BBS9: variants seen among roughly 807,000 people sequenced by gnomAD.
The protein encoded by BBS9 is protein PTHB1.
In BBS9, 89 loss-of-function variants were observed where a neutral mutation model predicts 117.7. The ratio of observed to expected loss-of-function variants is 0.76; its 90% CI spans 0.64 to 0.90. The LOEUF (loss-of-function observed/expected upper bound fraction) is 0.90, where lower values mean the gene tolerates loss of function less well. Among genes scored for constraint, BBS9 ranks in the 40% least tolerant of loss-of-function variants. The pLI, the probability that BBS9 is intolerant of heterozygous loss-of-function variation, is 0.00. For synonymous variants in BBS9, 379 were observed against 370.9 expected (o/e 1.02, Z -0.25); for missense variants, 982 against 1,042.2 (o/e 0.94, Z 0.80).
At chr7:33,514,456 A>G (rs143942143) in intron 20 of BBS9, among the ~76,000 whole-genome samples, 2 of 152,242 alleles carry the variant, frequency 1.3e-5, no homozygotes, top group African/African-American at 2.4e-5. Flanking sequence ...GAGTGAGGAA[A>G]TGGCCATTTC....
chr7:33,343,719 G>T (rs61706828), intron 11 of BBS9, among the ~76,000 whole-genome samples: 1 of 151,906 alleles, frequency 6.6e-6, no homozygotes, highest in Admixed American at 6.6e-5. Context: ...GGCTGGTCTC[G>T]AACTCCTGAC....
rs1563026554 is a variant in BBS9 at position 33,340,880 on chromosome 7, CTT to C, written c.1199-11_1199-10del. 2 of 1,606,616 alleles carry C rather than the reference CTT, an allele frequency of 1.2e-6. No individual in the cohort carries two copies. The highest frequency in any genetic ancestry group is 2.7e-5 in the African/African-American group (2 of 74,640). On this transcript the variant is annotated splice_polypyrimidine_tract_variant and intron_variant, in intron 10 of 22. Coordinates refer to ENST00000242067, the MANE Select transcript of BBS9 (RefSeq NM_198428.3). ...TTTACTTTATGATTAAATAATTTTT[CTT>C]TTTTTAAATCACAGGTGTTTGGCCC...
intron 13 of BBS9, among the ~76,000 whole-genome samples, chr7:33,349,733 T>C (rs905187558): frequency 6.6e-6 from 1 of 152,186 alleles, no homozygotes; most frequent in African/African-American, 2.4e-5. Flanking sequence ...TCCTGGCCTG[T>C]TTTTAGATAC....
chr7:33,454,685 G>A (rs1199866234), intron 19 of BBS9, among the ~76,000 whole-genome samples: 1 of 152,222 alleles, frequency 6.6e-6, no homozygotes, highest in Non-Finnish European at 1.5e-5. Context: ...TGCACTGTTA[G>A]GTAGATGGAT....
intron 5 of BBS9, among the ~76,000 whole-genome samples, chr7:33,227,163 AT>A (rs200953219): frequency 1.6e-3 from 229 of 146,236 alleles, no homozygotes; most frequent in Admixed American, 2.3e-3. Flanking sequence ...ACAGCCATCA[AT>A]TTTTTTTTTT....
intron 17 of BBS9, among the ~76,000 whole-genome samples, chr7:33,375,793 C>T (rs1274678658): frequency 6.6e-6 from 1 of 151,800 alleles, no homozygotes; most frequent in African/African-American, 2.4e-5. Context: ...GGATTTCACG[C>T]CCAGGCTGGT....
chr7:33,511,549 G>T (rs1353858039), intron 20 of BBS9, among the ~76,000 whole-genome samples: 1 of 152,036 alleles, frequency 6.6e-6, no homozygotes, highest in Non-Finnish European at 1.5e-5. Context: ...TCTATAATTT[G>T]AAGAAGGAAA....
intron 9 of BBS9, among the ~76,000 whole-genome samples, chr7:33,289,295 C>T (rs1404250032): frequency 6.6e-6 from 1 of 152,140 alleles, no homozygotes; most frequent in East Asian, 1.9e-4. Flanking sequence ...AAGTCTCAGA[C>T]ATTCTGAAAA....
intron 12 of BBS9, among the ~76,000 whole-genome samples, chr7:33,345,088 C>T (rs1197668773): frequency 6.6e-6 from 1 of 152,112 alleles, no homozygotes. Context: ...AAAGAATTTC[C>T]AGCCATCTCT....
chr7:33,251,313 A>G (rs1191348204), intron 5 of BBS9, among the ~76,000 whole-genome samples: 1 of 152,140 alleles, frequency 6.6e-6, no homozygotes, highest in South Asian at 2.1e-4. Context: ...TTCCAGCTCA[A>G]ATTAGGGAGT....
Position 33,554,805 on chromosome 7 carries a change from G to A in BBS9, c.2521+20629G>A, listed in dbSNP as rs368012493. Among the ~76,000 whole-genome samples, 17 of 152,264 alleles carry A rather than the reference G, an allele frequency of 1.1e-4. 1 individual carries two copies. In the South Asian group the frequency reaches 3.3e-3, roughly 30 times the overall value. ...CACTTATATGGAGAGAGAAAAGAGA[G>A]GAGGAGCTTGATCTAAATCTGGAGG... On this transcript the variant is annotated intron_variant, in intron 21 of 22. Transcript: ENST00000242067.
rs1354878922 is a variant in BBS9, at chr7:33,242,376, C to T, written c.443-14860C>T. On this transcript the variant is annotated intron_variant, in intron 5 of 22. Transcript: ENST00000242067. The stretch of plus-strand genomic sequence containing the variant: ...TCAATATGAGGATCTACTAGATTCT[C>T]CACAAAAGGTGGTCCACAAGTTTTT... Among the ~76,000 whole-genome samples, 4 of 152,156 alleles carry T rather than the reference C, an allele frequency of 2.6e-5. No homozygotes were observed. The East Asian group carries it at 7.7e-4, about 29-fold the overall frequency.
intron 9 of BBS9, 61 bp from the exon 10 acceptor site, chr7:33,336,380 T>A (rs929616534): frequency 6.2e-6 from 8 of 1,299,274 alleles, no homozygotes; most frequent in African/African-American, 2.9e-5. Context: ...AAAATGTAGT[T>A]GGTCAAGACT....
chr7:33,387,841 C>T (rs1367461045), intron 18 of BBS9, 151 bp from the exon 19 acceptor site: 7 of 868,390 alleles, frequency 8.1e-6, no homozygotes, highest in African/African-American at 3.4e-5. Flanking sequence ...GATTCATGTA[C>T]CAAATACCAC....
intron 1 of BBS9, among the ~76,000 whole-genome samples, chr7:33,144,797 A>G (rs1216935778): frequency 6.6e-6 from 1 of 152,222 alleles, no homozygotes; most frequent in Non-Finnish European, 1.5e-5. Context: ...AGTGATACAC[A>G]TTCAATAGAA....
intron 9 of BBS9, among the ~76,000 whole-genome samples, chr7:33,333,069 A>G (rs1431300022): frequency 6.6e-6 from 1 of 152,066 alleles, no homozygotes; most frequent in Non-Finnish European, 1.5e-5. Flanking sequence ...AATCTCATCT[A>G]AAAAGAATAG....
At chr7:33,554,712 G>A (rs543341036) in intron 21 of BBS9, among the ~76,000 whole-genome samples, 5 of 152,276 alleles carry the variant, frequency 3.3e-5, no homozygotes, top group African/African-American at 9.6e-5. Context: ...CAGGGGAAAA[G>A]CCTGGGCTGC....
At chr7:33,500,510 CA>C (rs1402041049) in intron 19 of BBS9, among the ~76,000 whole-genome samples, 1 of 152,106 alleles carries the variant, frequency 6.6e-6, no homozygotes, top group Non-Finnish European at 1.5e-5. Context: ...AGTGGGGGGA[CA>C]GGGGGTCAGC....
intron 13 of BBS9, among the ~76,000 whole-genome samples, chr7:33,350,563 C>T (rs1329529554): frequency 6.6e-6 from 1 of 152,162 alleles, no homozygotes; most frequent in Non-Finnish European, 1.5e-5. Flanking sequence ...CTATGTTCTA[C>T]CCATGATAAA....
Sources: gnomAD v4.1 joint callset for allele counts (sites outside exome capture counted in the v4.1 genomes callset) on GRCh38, gnomAD v4.1.1 for gene constraint, MANE v1.5 for transcripts, NCBI Gene and HGNC (gene_info 2026-07-23, HGNC 2026-07-21) for gene names.